The following PSMF1 variants were observed in gnomAD, a reference collection of about 807,000 sequenced individuals.
PSMF1 encodes proteasome inhibitor PI31 subunit.
In PSMF1, 30 loss-of-function variants were observed where a neutral mutation model predicts 29.3. That is an observed-to-expected ratio of 1.02 (90% CI 0.77 to 1.39). The LOEUF (loss-of-function observed/expected upper bound fraction) is 1.39. Ranked by LOEUF, PSMF1 falls within the 40% of genes most tolerant of loss-of-function variation. The pLI is 0.00. For synonymous variants in PSMF1, 134 were observed against 139.7 expected (o/e 0.96, Z 0.29); for missense variants, 344 against 357.5 (o/e 0.96, Z 0.31).
chr20:1,115,150 G>T (rs2085999803), upstream of PSMF1, among the ~76,000 whole-genome samples: 1 of 126,684 alleles, frequency 7.9e-6, no homozygotes, highest in Non-Finnish European at 1.7e-5. Context: ...TGTCTGCCCT[G>T]TAAGATGCCA....
At position 1,171,156 on chromosome 20, in the gene PSMF1, G is replaced by C. The variant is rs994511142; in HGVS notation, c.*6076G>C. 9.9e-5 allele frequency among the ~76,000 whole-genome samples: 15 copies of C among 152,062 alleles called. No homozygotes were observed. The highest frequency in any genetic ancestry group is 3.4e-4 in the African/African-American group (14 of 41,392). On this transcript the variant is annotated 3_prime_UTR_variant, in exon 7 of 7. Transcript: ENST00000335877. ...TCATAATCCCCAGGATGGTCTTAAGGCTCCTCAGTCAGTCCTATTTGCACA... is the reference window on the plus strand; with the variant it reads ...TCATAATCCCCAGGATGGTCTTAAGCCTCCTCAGTCAGTCCTATTTGCACA...
intron 4 of PSMF1, among the ~76,000 whole-genome samples, chr20:1,157,593 T>G (rs2086610129): frequency 6.8e-6 from 1 of 146,622 alleles, no homozygotes; most frequent in Non-Finnish European, 1.5e-5. Flanking sequence ...CTTAATTAAG[T>G]GTATGCATGC....
chr20:1,149,548 T>A (rs1454235845), intron 4 of PSMF1, among the ~76,000 whole-genome samples: 4 of 152,250 alleles, frequency 2.6e-5, no homozygotes, highest in Non-Finnish European at 4.4e-5. Context: ...CTTGAAGTAA[T>A]GGGCTCACAT....
Position 1,166,651 on chromosome 20 carries a change from C to A in PSMF1, c.*1571C>A, listed in dbSNP as rs2086733254. ...TGGCAAGCAGTGATTTAGTAAAACA[C>A]CCCAGAGTCAGGGAAGCCAACCACC... On this transcript the variant is annotated 3_prime_UTR_variant, in exon 7 of 7. Coordinates refer to ENST00000335877, the MANE Select transcript of PSMF1 (RefSeq NM_006814.5). The A allele has an allele frequency of 4.6e-6, 1 of 217,078 alleles. No homozygotes were observed. Among genetic ancestry groups the A allele is most frequent in the Non-Finnish European group, 9.5e-6 (1 of 105,364 alleles). 13.4% of individuals were successfully genotyped at this position (217,078 alleles called of 1,614,324 possible).
At chr20:1,142,882 C>T (rs891368181) in intron 4 of PSMF1, among the ~76,000 whole-genome samples, 1 of 152,176 alleles carries the variant, frequency 6.6e-6, no homozygotes, top group Non-Finnish European at 1.5e-5. Context: ...TTTACAGTCC[C>T]ACCAACAGTG....
intron 4 of PSMF1, among the ~76,000 whole-genome samples, chr20:1,142,461 C>G (rs1325817087): frequency 1.3e-5 from 2 of 152,040 alleles, no homozygotes; most frequent in South Asian, 4.2e-4. Context: ...TGATGTTCCC[C>G]TTCCTGTGTC....
rs1471778937 is a variant in PSMF1 at position 1,126,012 on chromosome 20, CTAT to C, written c.282+363_282+365del. ...TTGGAGCCCTTGCACTTTACATTTCCTATGCTGGAAGGCTCTTCCCCTCCCCCA... is the reference window on the plus strand; with the variant it reads ...TTGGAGCCCTTGCACTTTACATTTCCGCTGGAAGGCTCTTCCCCTCCCCCA... On this transcript the variant is annotated intron_variant, in intron 2 of 6. Coordinates refer to ENST00000335877, the MANE Select transcript of PSMF1 (RefSeq NM_006814.5). The C allele has an allele frequency of 5.4e-5, 25 of 460,826 alleles. No homozygotes were observed. The East Asian group carries it at 6.2e-4, about 11-fold the overall frequency. The allele number at this position is 460,826 out of a possible 1,614,324, so 28.5% of individuals were successfully genotyped here.
In PSMF1 at chr20:1,163,219, T is replaced by TG. The variant is rs1264478518; in HGVS notation, c.605+37dup. ...CTGGGGAGGTGGCAGCAACACAACTTGCTTTTGTGGCTTTTCAGCCCCAGC... is the reference window on the plus strand; with the variant it reads ...CTGGGGAGGTGGCAGCAACACAACTTGGCTTTTGTGGCTTTTCAGCCCCAGC... On this transcript the variant is annotated intron_variant, in intron 5 of 6. Transcript: ENST00000335877. This position sits in a 1 kb window ranked among gnomAD's most constrained non-coding sequence, Gnocchi z 6.1. 6 of 1,608,914 alleles carry TG rather than the reference T, an allele frequency of 3.7e-6. No homozygotes were observed. Among genetic ancestry groups the TG allele is most frequent in the Non-Finnish European group, 5.1e-6 (6 of 1,175,576 alleles).
intron 2 of PSMF1, chr20:1,126,042 C>G (rs539985836): frequency 1.1e-5 from 5 of 447,574 alleles, no homozygotes; most frequent in Middle Eastern, 3.4e-4. Context: ...CCTCCCCCAT[C>G]TGCCACTCAC....
intron 4 of PSMF1, among the ~76,000 whole-genome samples, chr20:1,139,374 A>T (rs2086351272): frequency 6.6e-6 from 1 of 152,188 alleles, no homozygotes; most frequent in East Asian, 1.9e-4. Flanking sequence ...TGTACTTGAT[A>T]TTCTAGCCAG....
intron 4 of PSMF1, among the ~76,000 whole-genome samples, chr20:1,158,936 A>T (rs1263772153): frequency 6.6e-6 from 1 of 152,038 alleles, no homozygotes; most frequent in East Asian, 1.9e-4. Flanking sequence ...CATGCCTGTA[A>T]TCCTAGCTAC....
chr20:1,121,668 G>C (rs568829797), intron 1 of PSMF1, among the ~76,000 whole-genome samples: 16 of 152,294 alleles, frequency 1.1e-4, no homozygotes, highest in East Asian at 3.9e-4. Context: ...TCCCAAGAGT[G>C]TATGCTTGAC....
In PSMF1 at chr20:1,172,106, CCCT is replaced by C. The variant is rs1238576558; in HGVS notation, c.*7034_*7036del. Among the ~76,000 whole-genome samples the C allele has an allele frequency of 1.4e-4, 21 of 152,208 alleles. No individual in the cohort carries two copies. The highest frequency in any genetic ancestry group is 1.5e-5 in the Non-Finnish European group (1 of 68,044). ...CTGAGTTCAGTGCTCCCCCAACCTG[CCCT>C]CCTCCTCTCCCCCACAGAGCTTCCC... On this transcript the variant is annotated 3_prime_UTR_variant, in exon 7 of 7. Transcript: ENST00000335877.
chr20:1,126,048 C>A, intron 2 of PSMF1: 1 of 443,228 alleles, frequency 2.3e-6, no homozygotes. Context: ...CCATCTGCCA[C>A]TCACACAGCC....
intron 1 of PSMF1, among the ~76,000 whole-genome samples, chr20:1,123,267 C>T (rs1438919768): frequency 6.6e-6 from 1 of 152,178 alleles, no homozygotes; most frequent in Non-Finnish European, 1.5e-5. Context: ...GCCAGCAATT[C>T]TCAATGTGTG....
chr20:1,130,232 A>C (rs2086210863), intron 3 of PSMF1, among the ~76,000 whole-genome samples: 1 of 152,182 alleles, frequency 6.6e-6, no homozygotes, highest in Admixed American at 6.5e-5. Flanking sequence ...AAATGAAAAG[A>C]GATCTGGAGA....
intron 2 of PSMF1, among the ~76,000 whole-genome samples, chr20:1,126,296 CT>C (rs2086155147): frequency 6.6e-6 from 1 of 152,118 alleles, no homozygotes; most frequent in Admixed American, 6.5e-5. Context: ...CTTTTGTTAA[CT>C]TTTTTCTTAG....
chr20:1,162,074 C>T (rs1442178159), intron 4 of PSMF1, among the ~76,000 whole-genome samples: 1 of 152,100 alleles, frequency 6.6e-6, no homozygotes, highest in East Asian at 1.9e-4. Flanking sequence ...ATTCATGTGT[C>T]AGGGCTGAGT....
chr20:1,161,241 G>T (rs1348109318), intron 4 of PSMF1: 2 of 317,154 alleles, frequency 6.3e-6, no homozygotes, highest in South Asian at 5.2e-5. Context: ...CCCGGACTTT[G>T]AGCAGGAGAT....
Sources: allele counts gnomAD v4.1 joint callset (sites outside exome capture counted in the v4.1 genomes callset), GRCh38; gene constraint gnomAD v4.1.1; non-coding constraint Gnocchi (gnomAD v3.1); transcripts MANE v1.5; gene names NCBI Gene and HGNC (gene_info 2026-07-23, HGNC 2026-07-21).